The following VAV2 variants were observed in gnomAD, a reference collection of about 807,000 sequenced individuals.
VAV2 encodes the protein guanine nucleotide exchange factor VAV2.
VAV2 carries 67 observed loss-of-function variants against 132.5 expected under a neutral mutation model. That is an observed-to-expected ratio of 0.51 (90% CI 0.42 to 0.62). The LOEUF is 0.62. Ranked by LOEUF, VAV2 falls within the 20% of genes least tolerant of loss-of-function variation. The pLI is 0.00. For missense variants in VAV2, 938 were observed against 1,153.6 expected, an observed-to-expected ratio of 0.81 and a Z score of 2.71; for synonymous variants, 492 against 443.5, an observed-to-expected ratio of 1.11 and a Z score of -1.37.
intron 26 of VAV2, 144 bp from the exon 27 acceptor site, chr9:133,770,645 C>A (rs560467839): frequency 1.5e-5 from 19 of 1,266,234 alleles, no homozygotes; most frequent in Admixed American, 1.0e-4. Flanking sequence ...ATCCCGCCAG[C>A]CCATGGTGGG....
intron 3 of VAV2, among the ~76,000 whole-genome samples, chr9:133,851,790 T>C (rs11507039): frequency 0.11 from 15,761 of 149,402 alleles, 2,277 homozygotes; most frequent in African/African-American, 0.34. Flanking sequence ...AATAAATGGA[T>C]GGGTGAATAA....
At chr9:133,948,766 G>A (rs1005511101) in intron 1 of VAV2, among the ~76,000 whole-genome samples, 10 of 152,202 alleles carry the variant, frequency 6.6e-5, no homozygotes, top group African/African-American at 2.4e-4. Context: ...CGTGCCTGGC[G>A]CAGCACGAAG....
intron 2 of VAV2, among the ~76,000 whole-genome samples, chr9:133,899,820 G>A (rs1268588079): frequency 6.6e-6 from 1 of 150,698 alleles, no homozygotes; most frequent in African/African-American, 2.4e-5. Context: ...AGGAGGTCGA[G>A]ACCATCCTGA....
At chr9:133,896,891 A>G (rs369046087) in intron 2 of VAV2, among the ~76,000 whole-genome samples, 19 of 152,100 alleles carry the variant, frequency 1.2e-4, no homozygotes, top group South Asian at 4.1e-4. Context: ...TCAGGAGATC[A>G]AGACCATCCT....
intron 1 of VAV2, among the ~76,000 whole-genome samples, chr9:133,981,886 TG>T (rs1307812482): frequency 2.0e-5 from 3 of 151,094 alleles, no homozygotes; most frequent in African/African-American, 7.3e-5. Flanking sequence ...AGGGCGGGGG[TG>T]GGGGTCATGG....
At chr9:133,900,805 T>TTATTTATTTATG (rs1554804226) in intron 2 of VAV2, among the ~76,000 whole-genome samples, 4 of 125,558 alleles carry the variant, frequency 3.2e-5, no homozygotes, top group Middle Eastern at 4.2e-3. Flanking sequence ...ATTTATTTAT[T>TTATTTATTTATG]TATGTATTTT....
Position 133,775,039 on chromosome 9 carries a change from G to A in VAV2, c.2031C>T (p.Asn677=). ...DYTAYPWFAG[N]MERQQTDNLL... Reference sequence around the variant, plus strand: ...GGTTGTCCGTCTGCTGCCTCTCCATGTTACCTGCAAACCTACAGGAGGGGG... The same window carrying A: ...GGTTGTCCGTCTGCTGCCTCTCCATATTACCTGCAAACCTACAGGAGGGGG... The change falls in exon 25 of 30, where the codon AAC becomes AAT. Residue 677 remains asparagine, a synonymous_variant. Coordinates refer to ENST00000371850, the MANE Select transcript of VAV2 (RefSeq NM_001134398.2). 3 of 1,609,868 alleles carry A rather than the reference G, an allele frequency of 1.9e-6. No individual in the cohort carries two copies. Among genetic ancestry groups the A allele is most frequent in the Non-Finnish European group, 2.5e-6 (3 of 1,178,206 alleles).
In VAV2 at chr9:133,833,950, G is replaced by A. The variant is rs745824104; in HGVS notation, c.449+322C>T. Among the ~76,000 whole-genome samples, 14 of 152,162 alleles carry A rather than the reference G, an allele frequency of 9.2e-5. No individual in the cohort carries two copies. Among genetic ancestry groups the A allele is most frequent in the Non-Finnish European group, 2.1e-4 (14 of 68,012 alleles). On this transcript the variant is annotated intron_variant, in intron 4 of 29. Coordinates refer to ENST00000371850, the MANE Select transcript of VAV2 (RefSeq NM_001134398.2). This position sits in a 1 kb window ranked among gnomAD's most constrained non-coding sequence, Gnocchi z 5.6. Reference sequence around the variant, plus strand: ...AGCCCCCTCTCTGCCCCACAGCTTCGCAGAGACAAGCCCTCATGGAGGACC... The same window carrying A: ...AGCCCCCTCTCTGCCCCACAGCTTCACAGAGACAAGCCCTCATGGAGGACC...
At chr9:133,813,211 A>G (rs989008504) in intron 4 of VAV2, among the ~76,000 whole-genome samples, 1 of 152,234 alleles carries the variant, frequency 6.6e-6, no homozygotes, top group African/African-American at 2.4e-5. Context: ...TCACCCCTGC[A>G]CAAGGACACA....
At chr9:133,796,120 G>A (rs542838162) in intron 11 of VAV2, among the ~76,000 whole-genome samples, 2 of 152,328 alleles carry the variant, frequency 1.3e-5, no homozygotes, top group East Asian at 3.9e-4. Context: ...GTCCATTTCT[G>A]CCATGGCCAC....
At chr9:133,854,926 T>C (rs1436310946) in intron 3 of VAV2, among the ~76,000 whole-genome samples, 1 of 152,172 alleles carries the variant, frequency 6.6e-6, no homozygotes, top group African/African-American at 2.4e-5. Flanking sequence ...ATTAAACCCA[T>C]CTTGCTGGCG....
chr9:133,896,308 G>T (rs908435617), intron 2 of VAV2, among the ~76,000 whole-genome samples: 3 of 152,134 alleles, frequency 2.0e-5, no homozygotes, highest in African/African-American at 7.2e-5. Flanking sequence ...ACAAAAATTA[G>T]ATGGGCATGG....
intron 2 of VAV2, among the ~76,000 whole-genome samples, chr9:133,880,744 G>C (rs977314778): frequency 6.6e-6 from 1 of 152,216 alleles, no homozygotes; most frequent in Non-Finnish European, 1.5e-5. Flanking sequence ...TGGGGGACCC[G>C]GGTGTGGAAT....
rs370759673 is a variant in VAV2 at position 133,937,493 on chromosome 9, A to AGT, written c.321+1608_321+1609dup. ...TGAACATGTGTGGGGTGGGTGCAAG[A>AGT]GTGTGTGCGTGTGAGTGTGTGTGCG... is the stretch of plus-strand genomic sequence containing the variant. On this transcript the variant is annotated intron_variant, in intron 2 of 29. Coordinates refer to ENST00000371850, the MANE Select transcript of VAV2 (RefSeq NM_001134398.2). 9.1e-4 allele frequency among the ~76,000 whole-genome samples: 135 copies of AGT among 149,154 alleles called. 1 individual carries two copies. The highest frequency in any genetic ancestry group is 2.8e-3 in the African/African-American group (112 of 40,396).
intron 12 of VAV2, 39 bp from the exon 13 acceptor site, chr9:133,791,908 G>C (rs746248007): frequency 6.4e-7 from 1 of 1,557,012 alleles, no homozygotes; most frequent in Non-Finnish European, 8.9e-7. Flanking sequence ...GCTGTGCTGG[G>C]TGGGGTGTGT....
chr9:133,834,645 T>A lies in VAV2; in HGVS notation c.381-305A>T, dbSNP rs1836393306. On this transcript the variant is annotated intron_variant, in intron 3 of 29. Transcript: ENST00000371850. The surrounding 1 kb of genome is among the most constrained non-coding windows in gnomAD (Gnocchi z 5.9). ...CCCAGGTCAGGGCTGCAGAAAGCGT[T>A]CATCTGCTGGGCGACCTGCCTTCCC... is the stretch of plus-strand genomic sequence containing the variant. 1.3e-5 allele frequency among the ~76,000 whole-genome samples: 2 copies of A among 152,190 alleles called. No individual in the cohort carries two copies. Among genetic ancestry groups the A allele is most frequent in the South Asian group, 4.1e-4 (2 of 4,830 alleles).
At chr9:133,943,041 G>A (rs1841226858) in intron 1 of VAV2, among the ~76,000 whole-genome samples, 1 of 152,266 alleles carries the variant, frequency 6.6e-6, no homozygotes, top group South Asian at 2.1e-4. Context: ...CTGAGGCACA[G>A]AGAGTTAAGG....
intron 3 of VAV2, among the ~76,000 whole-genome samples, chr9:133,860,699 G>C (rs921666736): frequency 6.6e-6 from 1 of 152,002 alleles, no homozygotes; most frequent in Non-Finnish European, 1.5e-5. Context: ...TCCTCCCAAG[G>C]GTCTCCCAGA....
chr9:133,966,738 T>G (rs1276519254), intron 1 of VAV2, among the ~76,000 whole-genome samples: 11 of 146,848 alleles, frequency 7.5e-5, no homozygotes, highest in Non-Finnish European at 3.0e-5. Context: ...AAAAAAAAAG[T>G]CAACTTAATA....
Sources: gnomAD v4.1 joint callset for allele counts (sites outside exome capture counted in the v4.1 genomes callset) on GRCh38, gnomAD v4.1.1 for gene constraint, Gnocchi (gnomAD v3.1) non-coding constraint, MANE v1.5 for transcripts, NCBI Gene and HGNC (gene_info 2026-07-23, HGNC 2026-07-21) for gene names.